Variants in BFAR observed in about 807,000 individuals in gnomAD.
BFAR encodes the protein bifunctional apoptosis regulator, also known as RING finger protein 47.
Under a neutral mutation model 54.4 loss-of-function variants are expected in BFAR, and 52 were observed. The ratio of observed to expected loss-of-function variants is 0.96; its 90% CI spans 0.77 to 1.21. The LOEUF is 1.21. BFAR is among the 50% of genes most tolerant of loss of function. The pLI is 0.00. For missense variants in BFAR, 571 were observed against 534.0 expected, an observed-to-expected ratio of 1.07 and a Z score of -0.68; for synonymous variants, 215 against 204.3, an observed-to-expected ratio of 1.05 and a Z score of -0.45.
chr16:14,660,473 C>T (rs982078897), intron 5 of BFAR, among the ~76,000 whole-genome samples: 1 of 151,344 alleles, frequency 6.6e-6, no homozygotes, highest in Non-Finnish European at 1.5e-5. Flanking sequence ...TTTTAGTAGA[C>T]AGGGTTTCAT....
chr16:14,647,717 A>G (rs1489159789), intron 2 of BFAR, among the ~76,000 whole-genome samples: 1 of 151,120 alleles, frequency 6.6e-6, no homozygotes, highest in African/African-American at 2.4e-5. Context: ...AAATGCAAGT[A>G]TTTTCTCACA....
Position 14,649,911 on chromosome 16 carries a change from G to A in BFAR, c.576G>A (p.Glu192=), listed in dbSNP as rs371409176. Reference sequence around the variant, plus strand: ...CGGAAGAAGTTGTCCTCTGGCTGGAGCAGCTGGGCCCTTGGGCATCTCTTT... The same window carrying A: ...CGGAAGAAGTTGTCCTCTGGCTGGAACAGCTGGGCCCTTGGGCATCTCTTT... ...WTAEEVVLWL[E]QLGPWASLYR... The change falls in exon 4 of 8, where the codon GAG becomes GAA. Residue 192 remains glutamate, a synonymous_variant. Coordinates refer to ENST00000261658, the MANE Select transcript of BFAR (RefSeq NM_016561.3). 3 of 1,613,698 alleles carry A rather than the reference G, an allele frequency of 1.9e-6. No homozygotes were observed. The highest frequency in any genetic ancestry group is 1.3e-5 in the African/African-American group (1 of 75,056).
Position 14,667,754 on chromosome 16 carries a change from T to C in BFAR, c.1280T>C (p.Leu427Pro). ...FVCNCLFYWA[L>P]YFNPIINIDL... Reference sequence around the variant, plus strand: ...TGCAACTGTTTGTTTTACTGGGCCCTGTACTTTAACCCAATTATTAACATT... The same window carrying C: ...TGCAACTGTTTGTTTTACTGGGCCCCGTACTTTAACCCAATTATTAACATT... Residue 427 changes from leucine (L) to proline (P), a missense_variant, in exon 8 of 8, where the codon CTG (leucine) becomes CCG (proline). By Grantham distance (98) the Leu-to-Pro change is moderately conservative. Transcript: ENST00000261658. 2 of 1,614,112 alleles carry C rather than the reference T, an allele frequency of 1.2e-6. No individual in the cohort carries two copies. The highest frequency in any genetic ancestry group is 1.7e-6 in the Non-Finnish European group (2 of 1,179,978).
At chr16:14,665,119 C>A in intron 7 of BFAR, 48 bp downstream of exon 7, 2 of 1,494,830 alleles carry the variant, frequency 1.3e-6, no homozygotes, top group Non-Finnish European at 1.9e-6. Context: ...GAAAGAAATA[C>A]CAAGTGAGAG....
chr16:14,641,940 T>A (rs1959641239), intron 1 of BFAR, among the ~76,000 whole-genome samples: 1 of 152,248 alleles, frequency 6.6e-6, no homozygotes, highest in African/African-American at 2.4e-5. Context: ...ACTAGGCACT[T>A]GACTCGAATT....
chr16:14,655,034 C>A, intron 4 of BFAR, 32 bp from the exon 5 acceptor site: 1 of 1,575,038 alleles, frequency 6.3e-7, no homozygotes, highest in Non-Finnish European at 8.6e-7. Context: ...AGTATATAAT[C>A]GCAAAATAAA....
chr16:14,662,575 A>G (rs190619545), intron 6 of BFAR, among the ~76,000 whole-genome samples: 44 of 152,232 alleles, frequency 2.9e-4, no homozygotes, highest in Non-Finnish European at 5.7e-4. Flanking sequence ...GCTGGAGTAC[A>G]GTGGCACAAT....
intron 6 of BFAR, among the ~76,000 whole-genome samples, chr16:14,662,965 C>G (rs373367622): frequency 1.3e-5 from 2 of 152,082 alleles, no homozygotes; most frequent in East Asian, 3.9e-4. Context: ...CAGTGGGATA[C>G]GTGACTGGGG....
chr16:14,667,816 C>T lies in BFAR; in HGVS notation c.1342C>T (p.Gln448Ter), dbSNP rs1034195379. ...CAAGGAACTCCGGCGGCTGGAAACC[C>T]AGGTGTTGTGACTGGCACTGCCCAG... ...VVKELRRLETQVL is the reference protein window; with the variant it reads ...VVKELRRLET Residue 448 changes from glutamine to a stop codon, truncating the protein, a stop_gained, in exon 8 of 8, where the codon CAG (glutamine) becomes TAG (stop). Coordinates refer to ENST00000261658, the MANE Select transcript of BFAR (RefSeq NM_016561.3). LOFTEE classifies it high-confidence loss of function. 1 of 1,613,998 alleles carries T rather than the reference C, an allele frequency of 6.2e-7. No homozygotes were observed. Among genetic ancestry groups the T allele is most frequent in the Non-Finnish European group, 8.5e-7 (1 of 1,179,990 alleles).
intron 1 of BFAR, among the ~76,000 whole-genome samples, chr16:14,641,409 C>G (rs1279357036): frequency 6.6e-6 from 1 of 152,056 alleles, no homozygotes; most frequent in Non-Finnish European, 1.5e-5. Context: ...CTCAAAGAGG[C>G]CTTTAATTAT....
intron 4 of BFAR, among the ~76,000 whole-genome samples, chr16:14,654,006 C>CTTT (rs776274046): frequency 1.2e-3 from 145 of 121,444 alleles, no homozygotes; most frequent in African/African-American, 1.7e-3. Flanking sequence ...CATCTAAGAA[C>CTTT]TTTTTTTTTT....
chr16:14,651,030 T>C (rs1959952548), intron 4 of BFAR, among the ~76,000 whole-genome samples: 1 of 152,172 alleles, frequency 6.6e-6, no homozygotes, highest in South Asian at 2.1e-4. Context: ...CAGAAGACTT[T>C]TGTGACCAAA....
intron 1 of BFAR, among the ~76,000 whole-genome samples, chr16:14,643,038 TGTG>T (rs762059174): frequency 5.1e-4 from 77 of 151,982 alleles, no homozygotes; most frequent in Non-Finnish European, 9.0e-4. Context: ...TAAAGCCAGA[TGTG>T]GTGGCTCATA....
Position 14,662,050 on chromosome 16 carries a change from C to G in BFAR, c.942C>G (p.Ile314Met). The G allele has an allele frequency of 6.2e-7, 1 of 1,614,132 alleles. No homozygotes were observed. The highest frequency in any genetic ancestry group is 8.5e-7 in the Non-Finnish European group (1 of 1,180,014). ...PLQEDSSGED[I>M]VTKLLDLKEP... is the part of the protein sequence containing the mutation. ...AAGAAGACAGCTCTGGGGAGGACAT[C>G]GTCACCAAGCTTCTGGTAGGTCTGC... The change falls in exon 6 of 8, where the codon ATC (isoleucine) becomes ATG (methionine). Residue 314 changes from isoleucine (I) to methionine (M), a missense_variant. Ile to Met is a conservative substitution (Grantham distance 10). Coordinates refer to ENST00000261658, the MANE Select transcript of BFAR (RefSeq NM_016561.3).
chr16:14,635,562 T>C (rs565270355), intron 1 of BFAR, among the ~76,000 whole-genome samples: 2 of 152,130 alleles, frequency 1.3e-5, no homozygotes, highest in African/African-American at 2.4e-5. Flanking sequence ...AGGATAGCCT[T>C]CTCAGCCCGC....
At chr16:14,644,827 G>C (rs1181865027) in intron 2 of BFAR, among the ~76,000 whole-genome samples, 3 of 152,106 alleles carry the variant, frequency 2.0e-5, no homozygotes, top group African/African-American at 7.2e-5. Flanking sequence ...CTCTTAACAG[G>C]AACAGCAGTG....
At chr16:14,641,191 C>T (rs1959614805) in intron 1 of BFAR, among the ~76,000 whole-genome samples, 1 of 152,144 alleles carries the variant, frequency 6.6e-6, no homozygotes, top group Admixed American at 6.6e-5. Flanking sequence ...CAAGTGTATC[C>T]ATATGAATGG....
rs1395044711 is a variant in BFAR, at chr16:14,667,758, CT to C, written c.1287del (p.Phe429LeufsTer29). ...CNCLFYWALY[F>X]NPIINIDLVV... ...ACTGTTTGTTTTACTGGGCCCTGTA[CT>C]TTAACCCAATTATTAACATTGATCT... On this transcript the variant is annotated frameshift_variant, in exon 8 of 8. Transcript: ENST00000261658. LOFTEE classifies it high-confidence loss of function. 1 of 1,614,028 alleles carries C rather than the reference CT, an allele frequency of 6.2e-7. No individual in the cohort carries two copies. Among genetic ancestry groups the C allele is most frequent in the Non-Finnish European group, 8.5e-7 (1 of 1,180,036 alleles).
chr16:14,660,380 G>A (rs1027640002), intron 5 of BFAR, among the ~76,000 whole-genome samples: 10 of 151,808 alleles, frequency 6.6e-5, no homozygotes, highest in African/African-American at 1.5e-4. Flanking sequence ...TCTGCCTCCC[G>A]GGTTCAAGTG....
Sources: gnomAD v4.1 joint callset for allele counts (sites outside exome capture counted in the v4.1 genomes callset) on GRCh38, gnomAD v4.1.1 for gene constraint, MANE v1.5 for transcripts, NCBI Gene and HGNC (gene_info 2026-07-23, HGNC 2026-07-21) for gene names.